Variants in SLC44A5 observed in about 807,000 individuals in gnomAD.
SLC44A5 encodes the protein solute carrier family 44 member 5.
A neutral mutation model predicts 101.8 loss-of-function variants in SLC44A5; 57 were observed. The ratio of observed to expected loss-of-function variants is 0.56; its 90% CI spans 0.45 to 0.70. The LOEUF (loss-of-function observed/expected upper bound fraction) is 0.70. Among genes scored for constraint, SLC44A5 ranks in the 30% least tolerant of loss-of-function variants. The pLI is 0.00. For synonymous variants in SLC44A5, 281 were observed against 290.9 expected (o/e 0.97, Z 0.35); for missense variants, 737 against 853.1 (o/e 0.86, Z 1.70).
chr1:75,631,381 C>T, the SLC44A5 span, among the ~76,000 whole-genome samples: 1 of 151,832 alleles, frequency 6.6e-6, no homozygotes, highest in Admixed American at 6.6e-5. Context: ...CAATATCACT[C>T]CTTTTTTTGG....
chr1:75,563,662 C>A (rs2102015037), intron 1 of SLC44A5, among the ~76,000 whole-genome samples: 1 of 152,082 alleles, frequency 6.6e-6, no homozygotes, highest in South Asian at 2.1e-4. Flanking sequence ...TACAAGTCTC[C>A]TATAAAAGAC....
chr1:75,333,816 A>G (rs1265564194), intron 4 of SLC44A5, among the ~76,000 whole-genome samples: 1 of 152,180 alleles, frequency 6.6e-6, no homozygotes, highest in Admixed American at 6.5e-5. Context: ...TGACCCTTGC[A>G]CTCATACTTG....
chr1:75,695,145 A>G, the SLC44A5 span, among the ~76,000 whole-genome samples: 1 of 152,150 alleles, frequency 6.6e-6, no homozygotes, highest in Admixed American at 6.5e-5. Context: ...TAATTTCATG[A>G]GTGGATATAA....
chr1:75,558,387 A>C (rs2102000676), intron 1 of SLC44A5, among the ~76,000 whole-genome samples: 1 of 152,226 alleles, frequency 6.6e-6, no homozygotes, highest in Admixed American at 6.5e-5. Flanking sequence ...GGAGATTCAA[A>C]CTGCAGCCTA....
chr1:75,443,525 CA>C (rs1325464840), intron 2 of SLC44A5, among the ~76,000 whole-genome samples: 1 of 151,624 alleles, frequency 6.6e-6, no homozygotes. Context: ...TATAACTGAC[CA>C]AAACTTACTC....
the SLC44A5 span, among the ~76,000 whole-genome samples, chr1:75,683,032 A>G: frequency 1.3e-5 from 2 of 152,144 alleles, no homozygotes; most frequent in East Asian, 1.9e-4. Flanking sequence ...CCATCAGAGA[A>G]ATGCAAATCA....
At chr1:75,700,152 A>G in the SLC44A5 span, among the ~76,000 whole-genome samples, 313 of 152,174 alleles carry the variant, frequency 2.1e-3, no homozygotes, top group Middle Eastern at 0.027. Flanking sequence ...TGCACCAAGC[A>G]GACCTAATAG....
At chr1:75,605,674 T>C (rs1337682308) in intron 1 of SLC44A5, among the ~76,000 whole-genome samples, 3 of 152,078 alleles carry the variant, frequency 2.0e-5, no homozygotes, top group African/African-American at 4.8e-5. Flanking sequence ...CCAAAAGTTA[T>C]AAAATTCGAT....
At chr1:75,335,206 C>A (rs1657352304) in intron 4 of SLC44A5, among the ~76,000 whole-genome samples, 1 of 152,160 alleles carries the variant, frequency 6.6e-6, no homozygotes, top group African/African-American at 2.4e-5. Flanking sequence ...TGAGCCAAAC[C>A]AGTTATGTAC....
chr1:75,699,502 G>C, the SLC44A5 span, among the ~76,000 whole-genome samples: 3 of 151,344 alleles, frequency 2.0e-5, no homozygotes, highest in South Asian at 2.1e-4. Flanking sequence ...GCTGAAGGAA[G>C]CGCTAAACAT....
chr1:75,325,815 G>C (rs1366570166), intron 4 of SLC44A5, among the ~76,000 whole-genome samples: 1 of 150,368 alleles, frequency 6.7e-6, no homozygotes, highest in Non-Finnish European at 1.5e-5. Flanking sequence ...GAGACCACAA[G>C]TGTTTCAAAT....
At chr1:75,506,506 A>G (rs1669266640) in intron 2 of SLC44A5, among the ~76,000 whole-genome samples, 1 of 152,004 alleles carries the variant, frequency 6.6e-6, no homozygotes, top group African/African-American at 2.4e-5. Context: ...CATTTGTGTC[A>G]TCTGTTATTT....
intron 2 of SLC44A5, among the ~76,000 whole-genome samples, chr1:75,455,844 A>T (rs1368475371): frequency 6.6e-6 from 1 of 152,200 alleles, no homozygotes; most frequent in East Asian, 1.9e-4. Flanking sequence ...CTACTATTAC[A>T]AAGTCAAAAA....
chr1:75,269,072 A>G (rs1178437687), intron 6 of SLC44A5, among the ~76,000 whole-genome samples: 4 of 152,036 alleles, frequency 2.6e-5, no homozygotes, highest in Non-Finnish European at 5.9e-5. Flanking sequence ...AAATGAGGCG[A>G]TTTTTTCTCC....
At chr1:75,649,732 T>C in the SLC44A5 span, among the ~76,000 whole-genome samples, 1 of 152,126 alleles carries the variant, frequency 6.6e-6, no homozygotes, top group Non-Finnish European at 1.5e-5. Context: ...TAAAATATCT[T>C]AGATATAAAA....
chr1:75,444,824 A>G (rs1286087893), intron 2 of SLC44A5, among the ~76,000 whole-genome samples: 2 of 152,134 alleles, frequency 1.3e-5, no homozygotes, highest in Non-Finnish European at 2.9e-5. Flanking sequence ...TATACTTGTG[A>G]TGGGAAGATC....
chr1:75,585,762 TTAA>T (rs1399772714), intron 1 of SLC44A5, among the ~76,000 whole-genome samples: 1 of 152,226 alleles, frequency 6.6e-6, no homozygotes, highest in African/African-American at 2.4e-5. Flanking sequence ...CATTTAAGAA[TTAA>T]TAAGTGAATT....
At chr1:75,446,237 T>C (rs145631942) in intron 2 of SLC44A5, among the ~76,000 whole-genome samples, 173 of 152,268 alleles carry the variant, frequency 1.1e-3, no homozygotes, top group African/African-American at 3.9e-3. Flanking sequence ...CAAAGTCCAG[T>C]CTTCACTGTG....
At chr1:75,520,503 C>A (rs974767532) in intron 2 of SLC44A5, among the ~76,000 whole-genome samples, 1 of 151,426 alleles carries the variant, frequency 6.6e-6, no homozygotes, top group Admixed American at 6.6e-5. Context: ...GGGGCATGAA[C>A]AGAAGGATGG....
Sources: allele counts gnomAD v4.1 joint callset (sites outside exome capture counted in the v4.1 genomes callset), GRCh38; gene constraint gnomAD v4.1.1; transcripts MANE v1.5; gene names NCBI Gene and HGNC (gene_info 2026-07-23, HGNC 2026-07-21).